Variants in PEMT observed in about 807,000 individuals in gnomAD.
The protein encoded by PEMT is phosphatidylethanolamine N-methyltransferase, also known as phospholipid methyltransferase.
In PEMT, 23 loss-of-function variants were observed where a neutral mutation model predicts 27.4. The observed-to-expected ratio is 0.84, with a 90% CI of 0.60 to 1.19. The LOEUF (loss-of-function observed/expected upper bound fraction) is 1.19, where lower values mean the gene tolerates loss of function less well. Ranked by LOEUF, PEMT falls within the 50% of genes most tolerant of loss-of-function variation. The pLI, the probability that PEMT is intolerant of heterozygous loss-of-function variation, is 0.00. For missense variants in PEMT, 307 were observed against 310.1 expected (o/e 0.99, Z 0.07); for synonymous variants, 137 against 139.1 (o/e 0.98, Z 0.11).
chr17:17,535,556 C>T (rs1223823423), intron 2 of PEMT, among the ~76,000 whole-genome samples: 4 of 126,542 alleles, frequency 3.2e-5, no homozygotes, highest in Non-Finnish European at 5.0e-5. Flanking sequence ...CAGACTGAGA[C>T]TCCGTCTCAA....
intron 2 of PEMT, among the ~76,000 whole-genome samples, chr17:17,541,609 T>G (rs1005123928): frequency 6.6e-6 from 1 of 152,388 alleles, no homozygotes; most frequent in Admixed American, 6.5e-5. Flanking sequence ...GACCTGGGAC[T>G]GCTGCAGGGC....
intron 2 of PEMT, among the ~76,000 whole-genome samples, chr17:17,549,023 CT>C (rs796839840): frequency 5.7e-4 from 84 of 146,218 alleles, no homozygotes; most frequent in Admixed American, 5.5e-4. Context: ...CCATGGAATT[CT>C]TTTTTTTTTT....
chr17:17,582,240 T>A lies in PEMT; in HGVS notation c.97-5213A>T. 1.0e-6 allele frequency: 1 copy of A among 985,032 alleles called. No individual in the cohort carries two copies. Among genetic ancestry groups the A allele is most frequent in the East Asian group, 1.1e-4 (1 of 8,810 alleles). 61.0% of individuals were successfully genotyped at this position (985,032 alleles called of 1,614,324 possible). ...GCTCCAGGTTGCAGAGGCCTCGGAATCTGACTAAAGGAAAGGAGCTACCCA... is the reference window on the plus strand; with the variant it reads ...GCTCCAGGTTGCAGAGGCCTCGGAAACTGACTAAAGGAAAGGAGCTACCCA... On this transcript the variant is annotated intron_variant, in intron 1 of 6. Transcript: ENST00000255389. This position sits in a 1 kb window ranked among gnomAD's most constrained non-coding sequence, Gnocchi z 4.9.
chr17:17,522,720 C>T (rs1189240720), intron 2 of PEMT, among the ~76,000 whole-genome samples: 1 of 152,134 alleles, frequency 6.6e-6, no homozygotes. Context: ...CCTGGGGAGA[C>T]ACATGGGGTC....
At chr17:17,543,626 G>A (rs58729290) in intron 2 of PEMT, among the ~76,000 whole-genome samples, 20,710 of 152,046 alleles carry the variant, frequency 0.14, 2,484 homozygotes, top group African/African-American at 0.32. Context: ...GCAGGGGCAC[G>A]ATCTCGGCTC....
intron 2 of PEMT, among the ~76,000 whole-genome samples, chr17:17,539,878 G>A (rs899373479): frequency 1.3e-5 from 2 of 152,230 alleles, no homozygotes; most frequent in Non-Finnish European, 2.9e-5. Flanking sequence ...TCTCTCAGGA[G>A]CGTGGGCAGG....
chr17:17,567,841 C>CAGCTG (rs1367351549), intron 2 of PEMT, among the ~76,000 whole-genome samples: 1 of 152,244 alleles, frequency 6.6e-6, no homozygotes, highest in Non-Finnish European at 1.5e-5. Flanking sequence ...CCAGTAAGCC[C>CAGCTG]AGCTCAGCTC....
chr17:17,579,065 T>C (rs2142749882), intron 1 of PEMT, among the ~76,000 whole-genome samples: 1 of 152,352 alleles, frequency 6.6e-6, no homozygotes, highest in South Asian at 2.1e-4. Flanking sequence ...AAAGAGCGCT[T>C]TGATCTCCCA....
chr17:17,533,567 G>A (rs917331576), intron 2 of PEMT, among the ~76,000 whole-genome samples: 1 of 152,122 alleles, frequency 6.6e-6, no homozygotes, highest in Non-Finnish European at 1.5e-5. Flanking sequence ...GAACATATTT[G>A]TAAATTATTT....
chr17:17,535,718 G>A (rs551907489), intron 2 of PEMT, among the ~76,000 whole-genome samples: 1 of 152,200 alleles, frequency 6.6e-6, no homozygotes, highest in Non-Finnish European at 1.5e-5. Context: ...GAGGCGGAGA[G>A]GGGGCAGAAG....
chr17:17,525,483 G>A (rs1274852571), intron 2 of PEMT, among the ~76,000 whole-genome samples: 1 of 152,200 alleles, frequency 6.6e-6, no homozygotes, highest in Non-Finnish European at 1.5e-5. Context: ...CAATGAGCGG[G>A]TGCCGGACGC....
intron 1 of PEMT, among the ~76,000 whole-genome samples, chr17:17,578,238 T>C (rs1911753469): frequency 6.6e-6 from 1 of 151,610 alleles, no homozygotes; most frequent in South Asian, 2.1e-4. Flanking sequence ...GGCGCGTTCA[T>C]AGCTCACTGC....
chr17:17,541,942 T>C (rs796359413), intron 2 of PEMT, among the ~76,000 whole-genome samples: 41 of 152,366 alleles, frequency 2.7e-4, no homozygotes, highest in African/African-American at 8.7e-4. Flanking sequence ...TATCAGTGCC[T>C]GAGCCAGAAG....
intron 4 of PEMT, among the ~76,000 whole-genome samples, chr17:17,509,978 T>C (rs919568980): frequency 6.6e-6 from 1 of 152,068 alleles, no homozygotes; most frequent in African/African-American, 2.4e-5. Context: ...CTCCCACTCT[T>C]CCTCGCTCTG....
chr17:17,539,299 C>T (rs1908712013), intron 2 of PEMT, among the ~76,000 whole-genome samples: 1 of 152,104 alleles, frequency 6.6e-6, no homozygotes, highest in South Asian at 2.1e-4. Flanking sequence ...TGAGTCTTGA[C>T]AAATGCATAC....
chr17:17,587,023 T>C (rs1216005576), intron 1 of PEMT, among the ~76,000 whole-genome samples: 1 of 150,590 alleles, frequency 6.6e-6, no homozygotes, highest in Non-Finnish European at 1.5e-5. Flanking sequence ...AGAAAGAAAT[T>C]AGAGAAAGAG....
intron 2 of PEMT, among the ~76,000 whole-genome samples, chr17:17,560,795 C>A (rs1486223633): frequency 6.6e-6 from 1 of 152,062 alleles, no homozygotes; most frequent in Non-Finnish European, 1.5e-5. Flanking sequence ...GCCCTAGCCA[C>A]AGGGGCAGGG....
intron 2 of PEMT, among the ~76,000 whole-genome samples, chr17:17,539,411 T>A (rs1389285507): frequency 6.6e-6 from 1 of 152,168 alleles, no homozygotes; most frequent in African/African-American, 2.4e-5. Flanking sequence ...CTGTGTTCCA[T>A]CCCGTTTCCC....
chr17:17,580,322 C>T (rs1025279587), intron 1 of PEMT, among the ~76,000 whole-genome samples: 2 of 151,994 alleles, frequency 1.3e-5, no homozygotes, highest in African/African-American at 2.4e-5. Context: ...ACTAAAAATA[C>T]AAAAATTAGC....
Sources: gnomAD v4.1 joint callset for allele counts (sites outside exome capture counted in the v4.1 genomes callset) on GRCh38, gnomAD v4.1.1 for gene constraint, Gnocchi (gnomAD v3.1) non-coding constraint, MANE v1.5 for transcripts, NCBI Gene and HGNC (gene_info 2026-07-23, HGNC 2026-07-21) for gene names.